Variants in CHD2 observed in about 807,000 individuals in gnomAD.
The protein encoded by CHD2 is ATP-dependent chromatin remodeler CHD2.
CHD2 carries 28 observed loss-of-function variants against 243.9 expected under a neutral mutation model. The ratio of observed to expected loss-of-function variants is 0.11; its 90% CI spans 0.09 to 0.16. The LOEUF is 0.16. Ranked by LOEUF, CHD2 falls within the 10% of genes least tolerant of loss-of-function variation. The pLI is 1.00. For missense variants in CHD2, 1,386 were observed against 2,209.8 expected (o/e 0.63, Z 7.47); for synonymous variants, 775 against 779.0 (o/e 0.99, Z 0.09).
intron 2 of CHD2, among the ~76,000 whole-genome samples, chr15:92,918,914 A>C (rs2052898471): frequency 6.6e-6 from 1 of 152,054 alleles, no homozygotes; most frequent in Non-Finnish European, 1.5e-5. Context: ...GCTGGAGTGC[A>C]GTGGTGTGAT....
intron 24 of CHD2, among the ~76,000 whole-genome samples, chr15:92,982,710 G>A (rs906164055): frequency 3.3e-5 from 5 of 152,114 alleles, no homozygotes; most frequent in African/African-American, 1.2e-4. Flanking sequence ...GTGTTTGGAA[G>A]GAAGCAATAT....
intron 2 of CHD2, among the ~76,000 whole-genome samples, chr15:92,910,906 C>CTT (rs1397869376): frequency 6.6e-6 from 1 of 152,142 alleles, no homozygotes; most frequent in Non-Finnish European, 1.5e-5. Flanking sequence ...CTACTGCACA[C>CTT]TTATGCTGTA....
At chr15:92,903,120 A>G (rs2052554070) in intron 2 of CHD2, among the ~76,000 whole-genome samples, 1 of 151,586 alleles carries the variant, frequency 6.6e-6, no homozygotes, top group Admixed American at 6.5e-5. Flanking sequence ...GTTACTTTTA[A>G]ATTAGTTACC....
intron 16 of CHD2, 136 bp downstream of exon 16, chr15:92,956,785 G>A: frequency 1.3e-6 from 1 of 743,054 alleles, no homozygotes; most frequent in Admixed American, 3.2e-5. Flanking sequence ...AGGCAGGGAT[G>A]GCGGTAGTAA....
At position 92,900,400 on chromosome 15, in the gene CHD2, T is replaced by C. The variant is rs1426124241; in HGVS notation, c.-496T>C. On this transcript the variant is annotated 5_prime_UTR_variant, in exon 1 of 39. Transcript: ENST00000394196. The stretch of plus-strand genomic sequence containing the variant: ...TCTGCTCCCTGCCTTTGCCTCACTT[T>C]ACGCAACTTTCCCTAACTTTCGGGC... 1.3e-5 allele frequency: 5 copies of C among 394,806 alleles called. No homozygotes were observed. Among genetic ancestry groups the C allele is most frequent in the African/African-American group, 2.1e-5 (1 of 48,550 alleles). The allele number at this position is 394,806 out of a possible 1,614,324, so 24.5% of individuals were successfully genotyped here. A position where few individuals can be genotyped will look rare whatever the true frequency, so the allele number is the denominator to read the frequency against.
intron 5 of CHD2, among the ~76,000 whole-genome samples, chr15:92,932,799 C>T (rs974682807): frequency 6.6e-6 from 1 of 151,718 alleles, no homozygotes; most frequent in Non-Finnish European, 1.5e-5. Context: ...GCTCTGTCGC[C>T]CAGGCTGGAG....
chr15:93,004,548 G>T (rs1372433799), intron 33 of CHD2, 69 bp from the exon 34 acceptor site: 1 of 1,438,952 alleles, frequency 6.9e-7, no homozygotes, highest in Non-Finnish European at 9.3e-7. Context: ...CACAACATAG[G>T]TAAGAAACCT....
intron 16 of CHD2, among the ~76,000 whole-genome samples, chr15:92,966,999 C>A (rs189228309): frequency 3.2e-4 from 48 of 152,138 alleles, no homozygotes; most frequent in Non-Finnish European, 5.1e-4. Context: ...GTACTGGCAC[C>A]AGCTATATCT....
Position 92,937,617 on chromosome 15 carries a change from C to T in CHD2, c.543C>T (p.Val181=). ...EQKKVKARRP[V]PRRTVPKPRV... is the part of the protein sequence containing the mutation. ...AAAAAGTAAAAGCCAGAAGACCTGT[C>T]CCCAGAAGGTGCACTGTTTGCTTAA... Residue 181 remains valine (V), a synonymous_variant, in exon 6 of 39, where the codon GTC becomes GTT. Coordinates refer to ENST00000394196, the MANE Select transcript of CHD2 (RefSeq NM_001271.4). The T allele has an allele frequency of 6.2e-7, 1 of 1,611,550 alleles. No individual in the cohort carries two copies. Among genetic ancestry groups the T allele is most frequent in the Non-Finnish European group, 8.5e-7 (1 of 1,178,310 alleles).
At chr15:92,980,945 A>G (rs769774687) in intron 23 of CHD2, 34 bp downstream of exon 23, 8 of 1,452,408 alleles carry the variant, frequency 5.5e-6, no homozygotes, top group Non-Finnish European at 7.7e-6. Flanking sequence ...AATTTTTTTG[A>G]GAAGTATGAT....
rs1567126975 is a variant in CHD2, at chr15:92,924,426, C to T, written c.168C>T (p.Ser56=). 1 of 1,614,128 alleles carries T rather than the reference C, an allele frequency of 6.2e-7. No homozygotes were observed. Among genetic ancestry groups the T allele is most frequent in the Non-Finnish European group, 8.5e-7 (1 of 1,180,022 alleles). ...GSGHGSESNS[S]SESSESQSES... ...GACATGGCAGCGAGTCGAACAGCAG[C>T]TCTGAATCTTCTGAGAGTCAGTCGG... Residue 56 remains serine (S), a synonymous_variant, in exon 3 of 39, where the codon AGC becomes AGT. Transcript: ENST00000394196.
Position 93,020,278 on chromosome 15 carries a change from A to G in CHD2, c.5153+20A>G. ...TGACAGGTATGCAAAAGGCTGTGAG[A>G]CACCAGGTGCCAACCTTTGCCAGGA... On this transcript the variant is annotated intron_variant, in intron 38 of 38. Coordinates refer to ENST00000394196, the MANE Select transcript of CHD2 (RefSeq NM_001271.4). 1 of 1,614,052 alleles carries G rather than the reference A, an allele frequency of 6.2e-7. No homozygotes were observed. Among genetic ancestry groups the G allele is most frequent in the Non-Finnish European group, 8.5e-7 (1 of 1,179,984 alleles).
At chr15:92,996,485 C>G (rs552006184) in intron 28 of CHD2, among the ~76,000 whole-genome samples, 1 of 152,152 alleles carries the variant, frequency 6.6e-6, no homozygotes, top group African/African-American at 2.4e-5. Context: ...TCTTAAGCCA[C>G]CACTTGTTCA....
rs143651535 is a variant in CHD2, at chr15:92,920,129, T to C, written c.63-4192T>C. Among the ~76,000 whole-genome samples the C allele has an allele frequency of 2.2e-3, 337 of 151,438 alleles. 2 individuals are homozygous for C. Among genetic ancestry groups the C allele is most frequent in the African/African-American group, 7.9e-3 (327 of 41,520 alleles). ...AAATGCATTTATACACATAGATATA[T>C]GCTGACAGAAAAACGGCTTTTTTTT... On this transcript the variant is annotated intron_variant, in intron 2 of 38. Coordinates refer to ENST00000394196, the MANE Select transcript of CHD2 (RefSeq NM_001271.4).
At chr15:92,921,740 C>G (rs1040057717) in intron 2 of CHD2, among the ~76,000 whole-genome samples, 1 of 152,138 alleles carries the variant, frequency 6.6e-6, no homozygotes, top group Non-Finnish European at 1.5e-5. Context: ...TTATAGGGCA[C>G]TGCTTTCATA....
rs1596430229 is a variant in CHD2, at chr15:92,979,953, AATG to A, written c.2876+673_2876+675del. ...ATAATATCAATATTATCAAGATAAT[AATG>A]ATATCAAAATAATAATAAAAATAAG... On this transcript the variant is annotated intron_variant, in intron 22 of 38. Transcript: ENST00000394196. Among the ~76,000 whole-genome samples, 4 of 151,874 alleles carry A rather than the reference AATG, an allele frequency of 2.6e-5. No homozygotes were observed. In the South Asian group the frequency reaches 6.2e-4, roughly 24 times the overall value.
intron 7 of CHD2, 34 bp from the exon 8 acceptor site, chr15:92,941,788 A>C (rs2053387031): frequency 6.2e-7 from 1 of 1,606,258 alleles, no homozygotes; most frequent in Non-Finnish European, 8.5e-7. Context: ...TGAAGAGATC[A>C]TTTCTCATTT....
chr15:92,964,764 G>A (rs2053734565), intron 16 of CHD2, among the ~76,000 whole-genome samples: 1 of 152,134 alleles, frequency 6.6e-6, no homozygotes, highest in Non-Finnish European at 1.5e-5. Flanking sequence ...AAAAAGATAT[G>A]ACAAGATTGA....
chr15:93,021,432 A>G (rs2054533709), intron 38 of CHD2: 1 of 152,118 alleles, frequency 6.6e-6, no homozygotes, highest in Admixed American at 6.5e-5. Context: ...AATTTTTACA[A>G]TCTTCTTCAA....
Sources: allele counts gnomAD v4.1 joint callset (sites outside exome capture counted in the v4.1 genomes callset), GRCh38; gene constraint gnomAD v4.1.1; transcripts MANE v1.5; gene names NCBI Gene and HGNC (gene_info 2026-07-23, HGNC 2026-07-21).